Variants in TSHZ3 observed in about 807,000 individuals in gnomAD.
TSHZ3 encodes teashirt homolog 3.
TSHZ3 carries 10 observed loss-of-function variants against 64.5 expected under a neutral mutation model. The observed-to-expected ratio is 0.16, with a 90% CI of 0.10 to 0.26. The LOEUF is 0.26. Among genes scored for constraint, TSHZ3 ranks in the 10% least tolerant of loss-of-function variants. The pLI, the probability that TSHZ3 is intolerant of heterozygous loss-of-function variation, is 1.00. For synonymous variants in TSHZ3, 608 were observed against 593.1 expected (o/e 1.03, Z -0.36); for missense variants, 1,242 against 1,421.7 (o/e 0.87, Z 2.03).
intron 1 of TSHZ3, among the ~76,000 whole-genome samples, chr19:31,321,000 CAGA>C: frequency 6.6e-6 from 1 of 152,226 alleles, no homozygotes; most frequent in African/African-American, 2.4e-5. Context: ...CCATCGTCCA[CAGA>C]AGATCTGCTT....
intron 5 of TSHZ3, among the ~76,000 whole-genome samples, chr19:31,160,735 T>C (rs1412946543): frequency 1.3e-5 from 2 of 151,604 alleles, no homozygotes; most frequent in Non-Finnish European, 2.9e-5. Flanking sequence ...CACACACGTA[T>C]ACACACACAC....
At chr19:31,220,623 A>C (rs934121200) in intron 4 of TSHZ3, among the ~76,000 whole-genome samples, 7 of 152,182 alleles carry the variant, frequency 4.6e-5, no homozygotes, top group African/African-American at 1.7e-4. Context: ...ATTAGTGGCT[A>C]TTAGTAGCTA....
rs1167029019 is a variant in TSHZ3, at chr19:31,169,728, T to C, written n.810-13311A>G. On this transcript the variant is annotated intron_variant and non_coding_transcript_variant, in intron 5 of 6. Transcript: ENST00000651361. ...GCAGCAACACCGAGCAATGCTGTGA[T>C]CTTCCAGAATGCCAGTAAGGGTGAG... Among the ~76,000 whole-genome samples the C allele has an allele frequency of 2.0e-5, 3 of 152,254 alleles. No individual in the cohort carries two copies. In the South Asian group the frequency reaches 6.2e-4, roughly 32 times the overall value.
intron 1 of TSHZ3, among the ~76,000 whole-genome samples, chr19:31,345,311 T>C (rs1917555665): frequency 6.6e-6 from 1 of 152,208 alleles, no homozygotes; most frequent in African/African-American, 2.4e-5. Flanking sequence ...TTCCCAAAGC[T>C]AAGGCCGAAA....
chr19:31,314,021 T>A (rs745427002), intron 1 of TSHZ3, among the ~76,000 whole-genome samples: 15 of 152,126 alleles, frequency 9.9e-5, no homozygotes, highest in South Asian at 4.2e-4. Flanking sequence ...CAGGTCCACA[T>A]TTGGGAAAGG....
intron 1 of TSHZ3, among the ~76,000 whole-genome samples, chr19:31,285,335 C>G (rs902183418): frequency 6.6e-6 from 1 of 151,962 alleles, no homozygotes; most frequent in Non-Finnish European, 1.5e-5. Flanking sequence ...TAAAAATTAA[C>G]CGGGCATGGT....
chr19:31,337,776 G>C (rs1272717596), intron 1 of TSHZ3, among the ~76,000 whole-genome samples: 2 of 150,354 alleles, frequency 1.3e-5, no homozygotes, highest in Non-Finnish European at 2.9e-5. Context: ...GTTGATGAGT[G>C]AATCAGTACC....
At position 31,255,523 on chromosome 19, in the gene TSHZ3, T is replaced by C. The variant is rs546063221; in HGVS notation, n.64-12648A>G. ...ACCAAGAGTTGTGCCCTTTCTTTTA[T>C]GCATGGCAGGGGCGCCGGGCTAACA... On this transcript the variant is annotated intron_variant and non_coding_transcript_variant, in intron 1 of 6. Transcript: ENST00000651361. Among the ~76,000 whole-genome samples, 102 of 152,220 alleles carry C rather than the reference T, an allele frequency of 6.7e-4. 1 individual carries two copies. Among genetic ancestry groups the C allele is most frequent in the South Asian group, 1.9e-3 (9 of 4,806 alleles).
At chr19:31,268,822 G>C (rs1293935068) in intron 1 of TSHZ3, among the ~76,000 whole-genome samples, 1 of 152,168 alleles carries the variant, frequency 6.6e-6, no homozygotes, top group Non-Finnish European at 1.5e-5. Context: ...TGAGCTCTGA[G>C]TCTCACCTTT....
At chr19:31,348,914 G>C in intron 1 of TSHZ3, 1 of 431,620 alleles carries the variant, frequency 2.3e-6, no homozygotes, top group Non-Finnish European at 4.1e-6. Flanking sequence ...GGAGAGCTGA[G>C]GAGGTAGGGA....
intron 4 of TSHZ3, among the ~76,000 whole-genome samples, chr19:31,208,579 G>T (rs1219952572): frequency 2.0e-5 from 3 of 152,228 alleles, no homozygotes; most frequent in African/African-American, 7.2e-5. Flanking sequence ...CCTGTAGAGT[G>T]AGTGTAGCAA....
intron 4 of TSHZ3, among the ~76,000 whole-genome samples, chr19:31,212,557 CCT>C (rs1252475193): frequency 6.6e-6 from 1 of 152,122 alleles, no homozygotes; most frequent in Non-Finnish European, 1.5e-5. Flanking sequence ...CCACTACACC[CCT>C]GTTAAAATAG....
chr19:31,191,547 T>A (rs1205290634), intron 5 of TSHZ3, among the ~76,000 whole-genome samples: 1 of 152,046 alleles, frequency 6.6e-6, no homozygotes, highest in Non-Finnish European at 1.5e-5. Flanking sequence ...GTACACTTAG[T>A]CCACATGACA....
At chr19:31,296,960 C>G (rs1257402942) in intron 1 of TSHZ3, among the ~76,000 whole-genome samples, 1 of 152,210 alleles carries the variant, frequency 6.6e-6, no homozygotes, top group Non-Finnish European at 1.5e-5. Context: ...TGACAACAAA[C>G]TATGGGAAAA....
At chr19:31,335,442 G>C (rs868449071) in intron 1 of TSHZ3, among the ~76,000 whole-genome samples, 1 of 152,180 alleles carries the variant, frequency 6.6e-6, no homozygotes, top group Non-Finnish European at 1.5e-5. Flanking sequence ...TCAAGCCCTG[G>C]TCAGGCATCT....
chr19:31,176,740 T>A (rs893142623), intron 5 of TSHZ3, among the ~76,000 whole-genome samples: 1 of 152,028 alleles, frequency 6.6e-6, no homozygotes, highest in Non-Finnish European at 1.5e-5. Flanking sequence ...CCATGAGCTG[T>A]GATTGCACCA....
At chr19:31,258,868 G>A (rs931769553) in intron 1 of TSHZ3, among the ~76,000 whole-genome samples, 2 of 152,132 alleles carry the variant, frequency 1.3e-5, no homozygotes, top group African/African-American at 2.4e-5. Flanking sequence ...GTGGCCCATC[G>A]GGTCGATTCC....
chr19:31,282,127 G>A (rs1457228523), intron 1 of TSHZ3, among the ~76,000 whole-genome samples: 2 of 152,114 alleles, frequency 1.3e-5, no homozygotes, highest in South Asian at 2.1e-4. Flanking sequence ...GAAGTGCACC[G>A]GGTGCATGCA....
intron 4 of TSHZ3, among the ~76,000 whole-genome samples, chr19:31,217,384 C>G (rs1975348588): frequency 6.6e-6 from 1 of 152,046 alleles, no homozygotes; most frequent in African/African-American, 2.4e-5. Flanking sequence ...GCGAGAACTC[C>G]CTTCCAAAGG....
Sources: allele counts gnomAD v4.1 joint callset (sites outside exome capture counted in the v4.1 genomes callset), GRCh38; gene constraint gnomAD v4.1.1; transcripts MANE v1.5; gene names NCBI Gene and HGNC (gene_info 2026-07-23, HGNC 2026-07-21).